Variants in TTLL6 observed in about 807,000 individuals in gnomAD.
TTLL6 encodes the protein tubulin polyglutamylase TTLL6.
Under a neutral mutation model 96.4 loss-of-function variants are expected in TTLL6, and 75 were observed. The observed-to-expected ratio is 0.78, with a 90% CI of 0.65 to 0.94. The LOEUF is 0.94. Ranked by LOEUF, TTLL6 falls within the 40% of genes least tolerant of loss-of-function variation. The pLI is 0.00. For synonymous variants in TTLL6, 411 were observed against 419.4 expected (o/e 0.98, Z 0.24); for missense variants, 1,030 against 1,093.0 (o/e 0.94, Z 0.81).
chr17:48,765,234 G>C (rs2038577783), intron 15 of TTLL6, among the ~76,000 whole-genome samples: 1 of 152,050 alleles, frequency 6.6e-6, no homozygotes, highest in Non-Finnish European at 1.5e-5. Context: ...CAACATGGGA[G>C]ACCCTGTGCT....
chr17:48,776,942 T>C (rs1455360925), intron 13 of TTLL6, among the ~76,000 whole-genome samples: 1 of 151,872 alleles, frequency 6.6e-6, no homozygotes, highest in African/African-American at 2.4e-5. Context: ...GGAGGACTTA[T>C]ATTATCTAAT....
rs201351733 is a variant in TTLL6, at chr17:48,785,099, G to C, written c.1864C>G (p.Pro622Ala). ...AAAACAGAGCTGGCCTCCTCCGTGG[G>C]AGCCTCCTGGTTGAGGCTGCTGTCT... ...ETDSSLNQEA[P>A]TEEASSVFPK... Residue 622 changes from proline (P) to alanine (A), a missense_variant, in exon 13 of 16, where the codon CCC becomes GCC. Transcript: ENST00000393382. The C allele has an allele frequency of 1.2e-6, 2 of 1,614,172 alleles. No individual in the cohort carries two copies. Among genetic ancestry groups the C allele is most frequent in the Non-Finnish European group, 8.5e-7 (1 of 1,180,032 alleles).
chr17:48,799,721 A>G lies in TTLL6; in HGVS notation c.651T>C (p.Asn217=), dbSNP rs2039377877. The part of the protein sequence containing the change: ...DLQTYSRSRK[N]KTYICKPDSG... Reference sequence around the variant, plus strand: ...AATCCGGCTTACAAATGTATGTCTTATTTTTTCTTGACCTGCTGTAGGTCT... The same window carrying G: ...AATCCGGCTTACAAATGTATGTCTTGTTTTTTCTTGACCTGCTGTAGGTCT... Residue 217 remains asparagine (N), a synonymous_variant, in exon 6 of 16, where the codon AAT becomes AAC. Coordinates refer to ENST00000393382, the MANE Select transcript of TTLL6 (RefSeq NM_001130918.3). 6.4e-7 allele frequency: 1 copy of G among 1,551,514 alleles called. No homozygotes were observed. Among genetic ancestry groups the G allele is most frequent in the Non-Finnish European group, 8.7e-7 (1 of 1,146,992 alleles).
chr17:48,771,508 T>G (rs984108014), intron 13 of TTLL6, among the ~76,000 whole-genome samples: 1 of 152,092 alleles, frequency 6.6e-6, no homozygotes, highest in African/African-American at 2.4e-5. Flanking sequence ...GGTGCACACC[T>G]GTAGTCCTAG....
In TTLL6 at chr17:48,766,414, T is replaced by C. The variant is rs2038606743; in HGVS notation, c.*2575A>G. 9.2e-5 allele frequency among the ~76,000 whole-genome samples: 14 copies of C among 152,340 alleles called. No individual in the cohort carries two copies. The South Asian group carries it at 2.9e-3, about 32-fold the overall frequency. On this transcript the variant is annotated intron_variant, in intron 15 of 15. Coordinates refer to ENST00000393382, the MANE Select transcript of TTLL6 (RefSeq NM_001130918.3). ...CCTTTTCTGCTAAGAGGTTCAGAGCTAAATTCAACGGTCAATGCAGGAAGC... is the reference window on the plus strand; with the variant it reads ...CCTTTTCTGCTAAGAGGTTCAGAGCCAAATTCAACGGTCAATGCAGGAAGC...
chr17:48,794,116 G>T (rs2039277530), intron 8 of TTLL6: 2 of 1,588,094 alleles, frequency 1.3e-6, no homozygotes, highest in South Asian at 2.3e-5. Flanking sequence ...GGATGGAGAA[G>T]TACAGTGGGG....
chr17:48,779,920 G>A (rs77569489), intron 13 of TTLL6, among the ~76,000 whole-genome samples: 2,779 of 152,160 alleles, frequency 0.018, 84 homozygotes, highest in African/African-American at 0.062. Context: ...GAGGGATGAG[G>A]GGAGGAAGAT....
chr17:48,785,241 C>G, intron 12 of TTLL6, 40 bp from the exon 13 acceptor site: 1 of 1,611,866 alleles, frequency 6.2e-7, no homozygotes, highest in South Asian at 1.1e-5. Flanking sequence ...CCATGGGAAC[C>G]CAGCTCTATC....
chr17:48,798,521 T>A (rs770038416), intron 6 of TTLL6, among the ~76,000 whole-genome samples: 4 of 151,762 alleles, frequency 2.6e-5, no homozygotes, highest in Non-Finnish European at 5.9e-5. Context: ...GAGCCGAGAT[T>A]GCACCACTGC....
At chr17:48,790,167 G>A in intron 9 of TTLL6, 61 bp from the exon 10 acceptor site, 1 of 1,574,530 alleles carries the variant, frequency 6.4e-7, no homozygotes. Context: ...AGAGAGTGAG[G>A]CCGAGGTGCC....
intron 5 of TTLL6, chr17:48,800,075 C>T (rs1567732092): frequency 3.8e-6 from 1 of 259,820 alleles, no homozygotes; most frequent in Admixed American, 4.7e-5. Context: ...CACCCACCTC[C>T]TGTGGTGCCT....
chr17:48,784,241 C>CA (rs1184524405), intron 13 of TTLL6, among the ~76,000 whole-genome samples: 2 of 151,950 alleles, frequency 1.3e-5, no homozygotes, highest in Non-Finnish European at 2.9e-5. Flanking sequence ...ACCTTCTCGA[C>CA]AAAAAATACA....
chr17:48,794,358 G>A lies in TTLL6; in HGVS notation c.998+1703C>T, dbSNP rs1413209578. ...ATGACAGTAACCACGCACACTGTCT[G>A]TGTTGCCATCACAAGTCATTTGAAC... On this transcript the variant is annotated intron_variant, in intron 8 of 15. Transcript: ENST00000393382. 4 of 1,548,924 alleles carry A rather than the reference G, an allele frequency of 2.6e-6. No individual in the cohort carries two copies. The Admixed American group carries it at 7.7e-5, about 30-fold the overall frequency.
At chr17:48,769,634 C>A (rs1420996825) in intron 14 of TTLL6, 94 bp downstream of exon 14, 1 of 1,482,870 alleles carries the variant, frequency 6.7e-7, no homozygotes, top group Non-Finnish European at 9.1e-7. Flanking sequence ...GTCCCCCCTC[C>A]AAAGACTGGG....
At chr17:48,802,065 AAAGAAAGAAAGAAAAAGAAAGAAAGAAAG>A (rs1268056549) in intron 3 of TTLL6, among the ~76,000 whole-genome samples, 1 of 142,454 alleles carries the variant, frequency 7.0e-6, no homozygotes, top group Admixed American at 7.4e-5. Flanking sequence ...AAAGAAAAGA[AAAGAAAGAAAGAAAAAGAAAGAAAGAAAG>A]AAAGAAAGAA....
intron 14 of TTLL6, 37 bp from the exon 15 acceptor site, chr17:48,769,291 C>T: frequency 6.4e-7 from 1 of 1,552,018 alleles, no homozygotes; most frequent in Non-Finnish European, 8.7e-7. Context: ...GCGATTTGTG[C>T]TGCTGGATTC....
intron 13 of TTLL6, among the ~76,000 whole-genome samples, chr17:48,781,917 G>A (rs1371454191): frequency 2.6e-5 from 4 of 152,096 alleles, no homozygotes; most frequent in Admixed American, 6.6e-5. Flanking sequence ...ATGAGGAATA[G>A]GCCCTCACCA....
At chr17:48,786,489 A>G (rs775534128) in intron 11 of TTLL6, among the ~76,000 whole-genome samples, 154 bp from the exon 12 acceptor site, 3 of 152,200 alleles carry the variant, frequency 2.0e-5, no homozygotes, top group Admixed American at 1.3e-4. Flanking sequence ...ATTGAATGTC[A>G]AGGAGCAGGG....
intron 13 of TTLL6, among the ~76,000 whole-genome samples, chr17:48,780,613 C>G (rs756501588): frequency 6.6e-6 from 1 of 152,144 alleles, no homozygotes; most frequent in African/African-American, 2.4e-5. Flanking sequence ...AACTTTTGCA[C>G]CTTGTGAAAC....
Sources: allele counts gnomAD v4.1 joint callset (sites outside exome capture counted in the v4.1 genomes callset), GRCh38; gene constraint gnomAD v4.1.1; transcripts MANE v1.5; gene names NCBI Gene and HGNC (gene_info 2026-07-23, HGNC 2026-07-21).